The following DCHS2 variants were observed in gnomAD, a reference collection of about 807,000 sequenced individuals.
DCHS2 encodes protocadherin-23.
In DCHS2, 142 loss-of-function variants were observed where a neutral mutation model predicts 182.4. That is an observed-to-expected ratio of 0.78 (90% CI 0.68 to 0.89). The LOEUF is 0.89. Among genes scored for constraint, DCHS2 ranks in the 40% least tolerant of loss-of-function variants. DCHS2 has a pLI of 0.00. For missense variants in DCHS2, 4,319 were observed against 4,198.6 expected (o/e 1.03, Z -0.79); for synonymous variants, 1,740 against 1,663.3 (o/e 1.05, Z -1.12).
intron 13 of DCHS2, among the ~76,000 whole-genome samples, chr4:154,274,781 C>A (rs1733759166): frequency 6.6e-6 from 1 of 151,998 alleles, no homozygotes; most frequent in Non-Finnish European, 1.5e-5. Context: ...CTGGTCTCTG[C>A]CTACAGGATC....
intron 3 of DCHS2, among the ~76,000 whole-genome samples, chr4:154,365,151 T>C (rs1447579367): frequency 6.6e-6 from 1 of 152,148 alleles, no homozygotes; most frequent in African/African-American, 2.4e-5. Flanking sequence ...GCAATTACCA[T>C]TGTAGAGAAC....
intron 3 of DCHS2, chr4:154,343,572 C>A: frequency 6.5e-7 from 1 of 1,527,236 alleles, no homozygotes. Context: ...ATGGCGTCTT[C>A]CCTTAAACCT....
In DCHS2 at chr4:154,489,325, C is replaced by T. The variant is rs777587484; in HGVS notation, c.2031G>A (p.Pro677=). ...TCACCTGCAGAAAGCAGTGTCCAAC[C>T]GGGGCATGCTCTGCAATGGTGGCAT... ...VYNATIAEHA[P]VGHCFLQVTA... Residue 677 remains proline, a synonymous_variant, in exon 1 of 20, where the codon CCG becomes CCA. Transcript: ENST00000357232. 1 of 1,528,804 alleles carries T rather than the reference C, an allele frequency of 6.5e-7. No homozygotes were observed. Among genetic ancestry groups the T allele is most frequent in the Non-Finnish European group, 8.8e-7 (1 of 1,131,608 alleles). The allele number at this position is 1,528,804 out of a possible 1,614,324, so 94.7% of individuals were successfully genotyped here.
intron 1 of DCHS2, among the ~76,000 whole-genome samples, chr4:154,380,397 G>C (rs1022797164): frequency 3.3e-5 from 5 of 151,992 alleles, no homozygotes; most frequent in Non-Finnish European, 5.9e-5. Context: ...AATACATTTG[G>C]TCTATTCTAT....
chr4:154,289,674 A>T (rs1734561611), intron 13 of DCHS2, among the ~76,000 whole-genome samples: 1 of 152,102 alleles, frequency 6.6e-6, no homozygotes, highest in Admixed American at 6.6e-5. Flanking sequence ...ATGAACACTG[A>T]TGTAAAAATC....
chr4:154,398,573 G>T (rs1041538325), intron 1 of DCHS2, among the ~76,000 whole-genome samples: 4 of 152,040 alleles, frequency 2.6e-5, no homozygotes, highest in Admixed American at 6.6e-5. Context: ...CAACTAATGT[G>T]CTTATGATAT....
At chr4:154,340,784 T>C (rs1263584544) in intron 3 of DCHS2, among the ~76,000 whole-genome samples, 1 of 152,212 alleles carries the variant, frequency 6.6e-6, no homozygotes, top group African/African-American at 2.4e-5. Context: ...TAGAGAGTTA[T>C]ACAAATGTAA....
intron 12 of DCHS2, among the ~76,000 whole-genome samples, chr4:154,303,535 G>C (rs1285712185): frequency 6.7e-6 from 1 of 149,186 alleles, no homozygotes; most frequent in Admixed American, 6.7e-5. Flanking sequence ...ACTAGCAGAA[G>C]GACCCAGACC....
At chr4:154,373,777 G>T in intron 2 of DCHS2, 2 of 656,100 alleles carry the variant, frequency 3.0e-6, no homozygotes, top group Non-Finnish European at 5.2e-6. Context: ...AGACGGGCAA[G>T]AGGGCAAGAA....
rs1735901210 is a variant in DCHS2, at chr4:154,317,337, A to G, written c.5021-1350T>C. ...GGAACACATTCCAAGTATTACTGAAACAGGTCCTTGGAGAGCCTCAGCTCT... is the reference window on the plus strand; with the variant it reads ...GGAACACATTCCAAGTATTACTGAAGCAGGTCCTTGGAGAGCCTCAGCTCT... On this transcript the variant is annotated intron_variant, in intron 9 of 19. Coordinates refer to ENST00000357232, the MANE Select transcript of DCHS2 (RefSeq NM_001358235.2). Among the ~76,000 whole-genome samples the G allele has an allele frequency of 2.0e-5, 3 of 152,228 alleles. No individual in the cohort carries two copies. The South Asian group carries it at 6.2e-4, about 32-fold the overall frequency.
chr4:154,316,297 A>T (rs1350229016), intron 9 of DCHS2, among the ~76,000 whole-genome samples: 2 of 152,234 alleles, frequency 1.3e-5, no homozygotes, highest in Non-Finnish European at 2.9e-5. Flanking sequence ...CCCTTTTAAA[A>T]AATATCTAGG....
chr4:154,240,581 C>T lies in DCHS2; in HGVS notation c.7315G>A (p.Asp2439Asn), dbSNP rs772968640. ...TEGALVVRVL[D>N]VNDNPPVFSQ... ...AACACTGGTGGATTATCATTGACAT[C>T]CAGCACACGGACTACAAGTGCTCCC... The change falls in exon 18 of 20, where the codon GAT becomes AAT. Residue 2439 changes from aspartate to asparagine, a missense_variant. Coordinates refer to ENST00000357232, the MANE Select transcript of DCHS2 (RefSeq NM_001358235.2). 6.2e-6 allele frequency: 10 copies of T among 1,613,698 alleles called. No homozygotes were observed. Among genetic ancestry groups the T allele is most frequent in the African/African-American group, 4.0e-5 (3 of 74,904 alleles).
intron 1 of DCHS2, among the ~76,000 whole-genome samples, chr4:154,398,163 G>C (rs1410829738): frequency 4.6e-5 from 7 of 152,082 alleles, no homozygotes; most frequent in Non-Finnish European, 8.8e-5. Flanking sequence ...TCGCCATAAG[G>C]CCTTACACTA....
At chr4:154,313,208 A>G (rs1735733462) in intron 10 of DCHS2, among the ~76,000 whole-genome samples, 1 of 152,048 alleles carries the variant, frequency 6.6e-6, no homozygotes, top group East Asian at 1.9e-4. Context: ...GGGGAAGGGC[A>G]CTGCAGGGGG....
In DCHS2 at chr4:154,420,322, T is replaced by C. The variant is rs568610446; in HGVS notation, c.2053-42878A>G. On this transcript the variant is annotated intron_variant, in intron 1 of 19. Coordinates refer to ENST00000357232, the MANE Select transcript of DCHS2 (RefSeq NM_001358235.2). Reference sequence around the variant, plus strand: ...ATAGATACGTACGTACATACATACATACATAGATGGATGTGAGAGAATTTA... The same window carrying C: ...ATAGATACGTACGTACATACATACACACATAGATGGATGTGAGAGAATTTA... Among the ~76,000 whole-genome samples the C allele has an allele frequency of 1.1e-3, 161 of 152,228 alleles. 1 individual carries two copies. The highest frequency in any genetic ancestry group is 3.1e-3 in the African/African-American group (130 of 41,536).
intron 1 of DCHS2, among the ~76,000 whole-genome samples, chr4:154,400,099 C>A (rs1166833637): frequency 6.7e-6 from 1 of 150,078 alleles, no homozygotes; most frequent in Non-Finnish European, 1.5e-5. Flanking sequence ...GTCAGGAGAT[C>A]GAGACCATCC....
chr4:154,364,923 T>C (rs1018235837), intron 3 of DCHS2, among the ~76,000 whole-genome samples: 1 of 152,230 alleles, frequency 6.6e-6, no homozygotes, highest in Non-Finnish European at 1.5e-5. Context: ...TTTTTTTTCT[T>C]TTTTTGCAGC....
intron 1 of DCHS2, among the ~76,000 whole-genome samples, chr4:154,400,224 A>T (rs1579048023): frequency 7.0e-6 from 1 of 142,412 alleles, no homozygotes; most frequent in South Asian, 2.4e-4. Flanking sequence ...AATGGTGTGA[A>T]CCCGGGAGGC....
intron 2 of DCHS2, among the ~76,000 whole-genome samples, chr4:154,376,553 T>C (rs1367390736): frequency 2.6e-5 from 4 of 152,180 alleles, no homozygotes; most frequent in Admixed American, 1.3e-4. Context: ...TGTGAGAACA[T>C]TTTCCTTAGT....
Sources: gnomAD v4.1 joint callset for allele counts (sites outside exome capture counted in the v4.1 genomes callset) on GRCh38, gnomAD v4.1.1 for gene constraint, MANE v1.5 for transcripts, NCBI Gene and HGNC (gene_info 2026-07-23, HGNC 2026-07-21) for gene names.